Variants in GMCL1 observed in about 807,000 individuals in gnomAD.
GMCL1 encodes germ cell-less protein-like 1.
In GMCL1, 54 loss-of-function variants were observed where a neutral mutation model predicts 75.5. That is an observed-to-expected ratio of 0.71 (90% CI 0.57 to 0.90). The LOEUF (loss-of-function observed/expected upper bound fraction) is 0.90. GMCL1 is among the 40% of genes least tolerant of loss of function. The pLI is 0.00. For synonymous variants in GMCL1, 210 were observed against 209.6 expected, an observed-to-expected ratio of 1.00 and a Z score of -0.02; for missense variants, 537 against 622.7, an observed-to-expected ratio of 0.86 and a Z score of 1.47.
chr2:69,840,663 G>A (rs1674958276), intron 3 of GMCL1, among the ~76,000 whole-genome samples: 1 of 152,166 alleles, frequency 6.6e-6, no homozygotes, highest in African/African-American at 2.4e-5. Context: ...TTCTTGCAAG[G>A]CATCTTGGTT....
intron 11 of GMCL1, among the ~76,000 whole-genome samples, chr2:69,868,624 G>A (rs1192322947): frequency 7.3e-5 from 11 of 150,090 alleles, no homozygotes; most frequent in African/African-American, 2.7e-4. Context: ...TGTTGGCCAG[G>A]CTGTTTTTGA....
At chr2:69,865,666 T>C (rs1279481596) in intron 11 of GMCL1, among the ~76,000 whole-genome samples, 1 of 152,098 alleles carries the variant, frequency 6.6e-6, no homozygotes, top group East Asian at 1.9e-4. Context: ...AAAGATATTT[T>C]TTCATTACCA....
In GMCL1 at chr2:69,870,923, C is replaced by T. The variant is rs377068805; in HGVS notation, c.1365-822C>T. Among the ~76,000 whole-genome samples, 23 of 152,232 alleles carry T rather than the reference C, an allele frequency of 1.5e-4. 1 individual carries two copies. In the East Asian group the frequency reaches 4.1e-3, roughly 27 times the overall value. On this transcript the variant is annotated intron_variant, in intron 12 of 13. Transcript: ENST00000282570. ...GTATTTAGAACCCTTGTGTACTGCTCGTGGCCATGTAAAATGGCACAGCCA... is the reference window on the plus strand; with the variant it reads ...GTATTTAGAACCCTTGTGTACTGCTTGTGGCCATGTAAAATGGCACAGCCA...
chr2:69,829,766 G>C lies in GMCL1; in HGVS notation c.-127G>C. 9.1e-7 allele frequency: 1 copy of C among 1,098,390 alleles called. No individual in the cohort carries two copies. The highest frequency in any genetic ancestry group is 1.3e-6 in the Non-Finnish European group (1 of 793,646). The allele number at this position is 1,098,390 out of a possible 1,614,324, so 68.0% of individuals were successfully genotyped here. ...GGAGACTGTGGCGTCCGCTGCAACG[G>C]TTGGGGCTGCGCGTGAGAAGGTGGC... On this transcript the variant is annotated 5_prime_UTR_variant, in exon 1 of 14. Coordinates refer to ENST00000282570, the MANE Select transcript of GMCL1 (RefSeq NM_178439.5).
intron 8 of GMCL1, 124 bp downstream of exon 8, chr2:69,849,866 C>G (rs1389388088): frequency 5.8e-6 from 3 of 518,124 alleles, no homozygotes; most frequent in East Asian, 6.8e-5. Context: ...TGTTTATAGA[C>G]TTAATTTTAG....
At position 69,830,065 on chromosome 2, in the gene GMCL1, C is replaced by T; in HGVS notation, c.173C>T (p.Ser58Phe). 6.4e-7 allele frequency: 1 copy of T among 1,571,484 alleles called. No individual in the cohort carries two copies. Among genetic ancestry groups the T allele is most frequent in the Non-Finnish European group, 8.6e-7 (1 of 1,157,786 alleles). The change falls in exon 1 of 14, where the codon TCC (serine) becomes TTC (phenylalanine). Residue 58 changes from serine to phenylalanine, a missense_variant. Ser to Phe is a radical substitution (Grantham distance 155). Transcript: ENST00000282570. ...GSHKRKRSSG[S>F]FCYCHPDSET... Reference sequence around the variant, plus strand: ...CACAAGCGCAAGCGGAGCAGCGGGTCCTTCTGCTACTGTCACCCTGACTCG... The same window carrying T: ...CACAAGCGCAAGCGGAGCAGCGGGTTCTTCTGCTACTGTCACCCTGACTCG...
At chr2:69,849,548 A>G in intron 7 of GMCL1, 104 bp from the exon 8 acceptor site, 1 of 674,170 alleles carries the variant, frequency 1.5e-6, no homozygotes, top group African/African-American at 1.9e-5. Flanking sequence ...TAGAAGTTAA[A>G]TTTTTTAGCT....
intron 1 of GMCL1, among the ~76,000 whole-genome samples, chr2:69,833,806 A>C (rs973728785): frequency 1.3e-5 from 2 of 152,142 alleles, no homozygotes; most frequent in Non-Finnish European, 2.9e-5. Flanking sequence ...CTACTTTTAC[A>C]TTTACGAGAC....
chr2:69,832,475 T>TAC lies in GMCL1; in HGVS notation c.260+2324_260+2325insCA, dbSNP rs1558534992. ...CCACTACCACATACATACATACATATATACATTTATTTATTTATATTTAGG... is the reference window on the plus strand; with the variant it reads ...CCACTACCACATACATACATACATATACATACATTTATTTATTTATATTTAGG... On this transcript the variant is annotated intron_variant, in intron 1 of 13. Coordinates refer to ENST00000282570, the MANE Select transcript of GMCL1 (RefSeq NM_178439.5). Among the ~76,000 whole-genome samples the TAC allele has an allele frequency of 3.1e-4, 47 of 150,748 alleles. No homozygotes were observed. The South Asian group carries it at 8.1e-3, about 26-fold the overall frequency.
At position 69,843,204 on chromosome 2, in the gene GMCL1, C is replaced by T. The variant is rs1675035891; in HGVS notation, c.635C>T (p.Thr212Ile). 5.6e-6 allele frequency: 9 copies of T among 1,611,952 alleles called. No homozygotes were observed. The highest frequency in any genetic ancestry group is 5.5e-5 in the South Asian group (5 of 91,050). ...ETMKETVNVK[T>I]VCGYYTSAGT... ...ATGAAGGAAACAGTTAATGTGAAAA[C>T]TGTATGTGGCTATTACACATCAGCA... The change falls in exon 5 of 14, where the codon ACT becomes ATT. Residue 212 changes from threonine to isoleucine, a missense_variant. Coordinates refer to ENST00000282570, the MANE Select transcript of GMCL1 (RefSeq NM_178439.5).
intron 1 of GMCL1, among the ~76,000 whole-genome samples, chr2:69,836,209 T>C (rs557092842): frequency 8.8e-4 from 134 of 152,334 alleles, no homozygotes; most frequent in Middle Eastern, 3.4e-3. Flanking sequence ...AATGTATTTT[T>C]TGGCTGTGGC....
chr2:69,839,836 A>ATT (rs57110869), intron 3 of GMCL1, among the ~76,000 whole-genome samples: 1 of 148,714 alleles, frequency 6.7e-6, no homozygotes. Flanking sequence ...AAGTATGACC[A>ATT]TTTTTTTTTT....
In GMCL1 at chr2:69,879,155, T is replaced by G; in HGVS notation, c.*151T>G. 1.7e-6 allele frequency: 1 copy of G among 589,166 alleles called. No homozygotes were observed. Among genetic ancestry groups the G allele is most frequent in the Admixed American group, 3.1e-5 (1 of 32,224 alleles). The allele number at this position is 589,166 out of a possible 1,614,324, so 36.5% of individuals were successfully genotyped here. ...TAACAATGACAAAGGCCTTATGAAC[T>G]GTACAGACAATACAGAAGATTATTC... On this transcript the variant is annotated 3_prime_UTR_variant, in exon 14 of 14. Coordinates refer to ENST00000282570, the MANE Select transcript of GMCL1 (RefSeq NM_178439.5).
chr2:69,841,564 C>T (rs148818882), intron 4 of GMCL1, among the ~76,000 whole-genome samples: 1 of 152,222 alleles, frequency 6.6e-6, no homozygotes, highest in East Asian at 1.9e-4. Context: ...TAACTTAAGA[C>T]GTAATCCTTA....
At chr2:69,850,745 C>A (rs1464604610) in intron 8 of GMCL1, among the ~76,000 whole-genome samples, 1 of 152,134 alleles carries the variant, frequency 6.6e-6, no homozygotes, top group Admixed American at 6.5e-5. Context: ...TTTCTTAATT[C>A]CCATGGTACA....
intron 11 of GMCL1, among the ~76,000 whole-genome samples, chr2:69,867,945 A>G (rs1229965184): frequency 6.6e-6 from 1 of 152,254 alleles, no homozygotes; most frequent in Non-Finnish European, 1.5e-5. Flanking sequence ...ACTGCAATGA[A>G]AAGAGAATCT....
At chr2:69,843,052 C>A in intron 4 of GMCL1, 97 bp from the exon 5 acceptor site, 5 of 325,032 alleles carry the variant, frequency 1.5e-5, no homozygotes, top group East Asian at 5.7e-5. Flanking sequence ...TTTCTTTCTT[C>A]TTTTTTTTTT....
intron 8 of GMCL1, among the ~76,000 whole-genome samples, chr2:69,850,371 T>C (rs1221535556): frequency 6.6e-6 from 1 of 152,254 alleles, no homozygotes; most frequent in South Asian, 2.1e-4. Flanking sequence ...ATGTATGTTA[T>C]TTTTTACTTT....
chr2:69,855,136 A>T (rs1036725213), intron 9 of GMCL1, among the ~76,000 whole-genome samples, 176 bp downstream of exon 9: 14 of 152,264 alleles, frequency 9.2e-5, no homozygotes, highest in African/African-American at 3.4e-4. Flanking sequence ...ACATATCATG[A>T]GTATTTTCCC....
Sources: allele counts gnomAD v4.1 joint callset (sites outside exome capture counted in the v4.1 genomes callset), GRCh38; gene constraint gnomAD v4.1.1; transcripts MANE v1.5; gene names NCBI Gene and HGNC (gene_info 2026-07-23, HGNC 2026-07-21).